The following TBC1D22A variants were observed in gnomAD, a reference collection of about 807,000 sequenced individuals.
TBC1D22A encodes the protein putative GTPase activator.
In TBC1D22A, 38 loss-of-function variants were observed where a neutral mutation model predicts 60.2. The ratio of observed to expected loss-of-function variants is 0.63; its 90% CI spans 0.49 to 0.83. TBC1D22A has a LOEUF of 0.83. TBC1D22A is among the 40% of genes least tolerant of loss of function. The pLI, the probability that TBC1D22A is intolerant of heterozygous loss-of-function variation, is 0.00. For missense variants in TBC1D22A, 628 were observed against 701.0 expected, an observed-to-expected ratio of 0.90 and a Z score of 1.18; for synonymous variants, 302 against 281.7, an observed-to-expected ratio of 1.07 and a Z score of -0.72.
intron 11 of TBC1D22A, among the ~76,000 whole-genome samples, chr22:47,086,710 G>A (rs1367868865): frequency 3.3e-5 from 5 of 152,158 alleles, no homozygotes; most frequent in African/African-American, 1.2e-4. Context: ...CTCGTACGGT[G>A]AGAGGAAAGG....
intron 10 of TBC1D22A, among the ~76,000 whole-genome samples, chr22:47,015,853 G>A (rs1021620656): frequency 6.6e-6 from 1 of 152,204 alleles, no homozygotes; most frequent in African/African-American, 2.4e-5. Context: ...CCTGGAGCCA[G>A]GCCAGCCGAG....
chr22:47,123,336 C>T (rs945432508), intron 12 of TBC1D22A, among the ~76,000 whole-genome samples: 1 of 152,234 alleles, frequency 6.6e-6, no homozygotes, highest in African/African-American at 2.4e-5. Context: ...CGTGGTTTTG[C>T]ACCCAGCCGA....
At chr22:47,142,258 CCACCCACCCACT>C (rs1311560801) in intron 12 of TBC1D22A, among the ~76,000 whole-genome samples, 6 of 129,880 alleles carry the variant, frequency 4.6e-5, no homozygotes, top group Non-Finnish European at 9.9e-5. Context: ...ATTCACCCAC[CCACCCACCCACT>C]CATCCACCCC....
In TBC1D22A at chr22:47,147,005, A is replaced by T. The variant is rs555923361; in HGVS notation, c.1426-26493A>T. On this transcript the variant is annotated intron_variant, in intron 12 of 12. Coordinates refer to ENST00000337137, the MANE Select transcript of TBC1D22A (RefSeq NM_014346.5). ...TGGCAGTTACATGGAGATTGCACTG[A>T]CATGGTTGGGGAGAGTGGGAAGACA... Among the ~76,000 whole-genome samples the T allele has an allele frequency of 7.9e-5, 12 of 152,374 alleles. No individual in the cohort carries two copies. In the South Asian group the frequency reaches 2.3e-3, roughly 29 times the overall value.
intron 12 of TBC1D22A, among the ~76,000 whole-genome samples, chr22:47,139,235 C>T (rs1223347780): frequency 6.6e-6 from 1 of 152,234 alleles, no homozygotes; most frequent in African/African-American, 2.4e-5. Flanking sequence ...ACTGAGGCCG[C>T]CAAAGACTGG....
At chr22:47,076,916 G>T (rs996501234) in intron 11 of TBC1D22A, among the ~76,000 whole-genome samples, 1 of 152,158 alleles carries the variant, frequency 6.6e-6, no homozygotes, top group African/African-American at 2.4e-5. Flanking sequence ...GTCCATAAGG[G>T]CAGCTTGAGT....
At chr22:47,122,083 T>TG (rs1371763923) in intron 12 of TBC1D22A, among the ~76,000 whole-genome samples, 1 of 152,216 alleles carries the variant, frequency 6.6e-6, no homozygotes, top group African/African-American at 2.4e-5. Context: ...AGGCGTGCCC[T>TG]GCTCGTCTGG....
At chr22:46,801,324 C>T (rs551470240) in intron 4 of TBC1D22A, among the ~76,000 whole-genome samples, 46 of 152,178 alleles carry the variant, frequency 3.0e-4, no homozygotes, top group Non-Finnish European at 6.3e-4. Flanking sequence ...ACATGAAAGA[C>T]GTAAGTGGCA....
intron 10 of TBC1D22A, among the ~76,000 whole-genome samples, chr22:47,034,903 C>T (rs2062606116): frequency 1.3e-5 from 2 of 152,344 alleles, no homozygotes; most frequent in Middle Eastern, 3.4e-3. Context: ...TCGCGTGTGA[C>T]GCTCTTTGCT....
chr22:46,772,612 A>G lies in TBC1D22A; in HGVS notation c.62+9764A>G, dbSNP rs1037213301. The stretch of plus-strand genomic sequence containing the variant: ...TATATGTATACACACATATACATAT[A>G]TACATATATACACAAACACACATGC... On this transcript the variant is annotated intron_variant, in intron 1 of 12. Transcript: ENST00000337137. 2.9e-5 allele frequency among the ~76,000 whole-genome samples: 4 copies of G among 138,924 alleles called. 1 individual carries two copies. Among genetic ancestry groups the G allele is most frequent in the Non-Finnish European group, 4.7e-5 (3 of 64,362 alleles). The allele number at this position is 138,924 out of a possible 152,430, so 91.1% of individuals were successfully genotyped here.
At chr22:47,014,307 T>C (rs548179092) in intron 10 of TBC1D22A, among the ~76,000 whole-genome samples, 30 of 152,114 alleles carry the variant, frequency 2.0e-4, no homozygotes, top group Non-Finnish European at 4.1e-4. Flanking sequence ...GACTCTTCTG[T>C]GGTTTTTGTG....
chr22:46,981,729 C>T (rs2074519759), intron 9 of TBC1D22A, among the ~76,000 whole-genome samples: 1 of 152,198 alleles, frequency 6.6e-6, no homozygotes, highest in South Asian at 2.1e-4. Context: ...AACTGTGAGT[C>T]AGTTAAACCT....
At chr22:47,026,367 C>T (rs988332051) in intron 10 of TBC1D22A, among the ~76,000 whole-genome samples, 3 of 152,250 alleles carry the variant, frequency 2.0e-5, no homozygotes, top group East Asian at 1.9e-4. Flanking sequence ...GGTGTGTATA[C>T]GGGAGATTCT....
intron 10 of TBC1D22A, among the ~76,000 whole-genome samples, chr22:46,999,380 G>C (rs1480541606): frequency 6.6e-6 from 1 of 152,210 alleles, no homozygotes; most frequent in African/African-American, 2.4e-5. Context: ...CTTCACAACA[G>C]AGAAAGATGT....
At chr22:47,016,910 G>A (rs1485569109) in intron 10 of TBC1D22A, among the ~76,000 whole-genome samples, 2 of 151,192 alleles carry the variant, frequency 1.3e-5, no homozygotes, top group Non-Finnish European at 1.5e-5. Flanking sequence ...GGGGCCCGGC[G>A]AGCCTCCCAC....
chr22:46,968,200 G>A (rs1207060537), intron 8 of TBC1D22A, among the ~76,000 whole-genome samples: 1 of 152,200 alleles, frequency 6.6e-6, no homozygotes. Flanking sequence ...GCTCCGGCAT[G>A]GATGCTCCTT....
chr22:47,155,109 G>A (rs1006926798), intron 12 of TBC1D22A, among the ~76,000 whole-genome samples: 6 of 152,270 alleles, frequency 3.9e-5, no homozygotes, highest in South Asian at 2.1e-4. Flanking sequence ...AGTCTCAGCC[G>A]TGTGCCTAGG....
chr22:47,133,325 T>C (rs2066746755), intron 12 of TBC1D22A, among the ~76,000 whole-genome samples: 1 of 152,066 alleles, frequency 6.6e-6, no homozygotes, highest in Admixed American at 6.5e-5. Flanking sequence ...TAGTGTGGAG[T>C]CTGGCTGCAT....
At chr22:46,827,936 C>A (rs1301679851) in intron 4 of TBC1D22A, among the ~76,000 whole-genome samples, 2 of 152,176 alleles carry the variant, frequency 1.3e-5, no homozygotes, top group African/African-American at 4.8e-5. Flanking sequence ...ATGGGTGCTC[C>A]CCTTTGTGCT....
Sources: gnomAD v4.1 joint callset for allele counts (sites outside exome capture counted in the v4.1 genomes callset) on GRCh38, gnomAD v4.1.1 for gene constraint, MANE v1.5 for transcripts, NCBI Gene and HGNC (gene_info 2026-07-23, HGNC 2026-07-21) for gene names.